The following FEM1C variants were observed in gnomAD, a reference collection of about 807,000 sequenced individuals.
FEM1C encodes the protein fem-1 homolog C.
In FEM1C, 15 loss-of-function variants were observed where a neutral mutation model predicts 37.6. The observed-to-expected ratio is 0.40, with a 90% CI of 0.27 to 0.61. The LOEUF (loss-of-function observed/expected upper bound fraction) is 0.61. FEM1C is among the 20% of genes least tolerant of loss of function. The pLI, the probability that FEM1C is intolerant of heterozygous loss-of-function variation, is 0.42. For missense variants in FEM1C, 532 were observed against 749.7 expected (o/e 0.71, Z 3.39); for synonymous variants, 287 against 272.8 (o/e 1.05, Z -0.51).
At chr5:115,542,326 G>A (rs1202113395) in intron 2 of FEM1C, among the ~76,000 whole-genome samples, 1 of 152,092 alleles carries the variant, frequency 6.6e-6, no homozygotes, top group East Asian at 1.9e-4. Context: ...CAGTATTGAA[G>A]CAGTTTTAAA....
intron 2 of FEM1C, among the ~76,000 whole-genome samples, chr5:115,531,870 C>T (rs993034318): frequency 1.3e-5 from 2 of 152,102 alleles, no homozygotes; most frequent in Non-Finnish European, 2.9e-5. Context: ...CCTGCTCTAA[C>T]CCGGAGACAT....
chr5:115,535,826 CCAT>C (rs1278552944), intron 2 of FEM1C, among the ~76,000 whole-genome samples: 1 of 151,842 alleles, frequency 6.6e-6, no homozygotes, highest in East Asian at 1.9e-4. Flanking sequence ...ACCCAAATGC[CCAT>C]CAACTGCTGA....
chr5:115,536,988 T>C (rs1206369448), intron 2 of FEM1C, among the ~76,000 whole-genome samples: 2 of 151,996 alleles, frequency 1.3e-5, no homozygotes, highest in Non-Finnish European at 2.9e-5. Flanking sequence ...CAACTAATTA[T>C]GTGTAAAAAA....
At chr5:115,531,752 T>C (rs1017551357) in intron 2 of FEM1C, among the ~76,000 whole-genome samples, 1 of 152,160 alleles carries the variant, frequency 6.6e-6, no homozygotes, top group African/African-American at 2.4e-5. Flanking sequence ...ATATTTTTCA[T>C]TTGATTTCTT....
chr5:115,530,829 C>T (rs151190954), intron 2 of FEM1C, among the ~76,000 whole-genome samples: 1 of 151,344 alleles, frequency 6.6e-6, no homozygotes, highest in East Asian at 1.9e-4. Context: ...TCATAAAAAG[C>T]ACTAAATAAT....
chr5:115,542,978 C>T lies in FEM1C; in HGVS notation c.516G>A (p.Gly172=). The change falls in exon 2 of 3, where the codon GGG becomes GGA. Residue 172 remains glycine, a synonymous_variant. Coordinates refer to ENST00000274457, the MANE Select transcript of FEM1C (RefSeq NM_020177.3). ...KEIAQYLLEK[G]ADVNRKSVKG... The stretch of plus-strand genomic sequence containing the variant: ...TGACACTTTTTCTATTAACATCTGC[C>T]CCCTTTTCAAGTAAATACTGAGCAA... 4 of 1,613,604 alleles carry T rather than the reference C, an allele frequency of 2.5e-6. No homozygotes were observed. The highest frequency in any genetic ancestry group is 3.4e-6 in the Non-Finnish European group (4 of 1,179,600).
chr5:115,540,558 G>A (rs995022650), intron 2 of FEM1C, among the ~76,000 whole-genome samples: 4 of 151,900 alleles, frequency 2.6e-5, no homozygotes, highest in African/African-American at 9.7e-5. Flanking sequence ...TCACATATAA[G>A]GCTAAAAGAT....
At chr5:115,532,096 C>G (rs1242453309) in intron 2 of FEM1C, among the ~76,000 whole-genome samples, 1 of 152,032 alleles carries the variant, frequency 6.6e-6, no homozygotes, top group Non-Finnish European at 1.5e-5. Context: ...AGAGGTTTTC[C>G]TGGTTTTATC....
At chr5:115,543,865 G>C in intron 1 of FEM1C, 182 bp from the exon 2 acceptor site, 1 of 984,152 alleles carries the variant, frequency 1.0e-6, no homozygotes, top group Non-Finnish European at 1.2e-6. Flanking sequence ...AGGATACACA[G>C]AGACCCAAAT....
chr5:115,524,220 T>C lies in FEM1C; in HGVS notation c.*88A>G, dbSNP rs1020007359. 3.4e-5 allele frequency: 35 copies of C among 1,044,596 alleles called. No homozygotes were observed. In the South Asian group the frequency reaches 4.1e-4, roughly 12 times the overall value. The allele number at this position is 1,044,596 out of a possible 1,614,324, so 64.7% of individuals were successfully genotyped here. A position where few individuals can be genotyped will look rare whatever the true frequency, so the allele number is the denominator to read the frequency against. ...GCACAATGATATCAATCAAGCTAAA[T>C]GAATGCTGGTGTTATCACAACAGTG... On this transcript the variant is annotated 3_prime_UTR_variant, in exon 3 of 3. Coordinates refer to ENST00000274457, the MANE Select transcript of FEM1C (RefSeq NM_020177.3).
chr5:115,533,482 G>A (rs1219955908), intron 2 of FEM1C, among the ~76,000 whole-genome samples: 1 of 151,968 alleles, frequency 6.6e-6, no homozygotes, highest in Non-Finnish European at 1.5e-5. Context: ...AGGGTCTTGT[G>A]ACTAGTATGT....
chr5:115,528,063 C>T (rs549845332), intron 2 of FEM1C, among the ~76,000 whole-genome samples: 21 of 146,310 alleles, frequency 1.4e-4, no homozygotes, highest in Non-Finnish European at 2.7e-4. Context: ...CTGTATTTAT[C>T]GAAAAAATAC....
At chr5:115,534,466 T>C (rs1408980579) in intron 2 of FEM1C, among the ~76,000 whole-genome samples, 1 of 151,886 alleles carries the variant, frequency 6.6e-6, no homozygotes, top group East Asian at 1.9e-4. Flanking sequence ...CCAAACGTTT[T>C]GAGTTTGATA....
In FEM1C at chr5:115,525,339, T is replaced by C; in HGVS notation, c.823A>G (p.Met275Val). 3 of 1,613,776 alleles carry C rather than the reference T, an allele frequency of 1.9e-6. No homozygotes were observed. Among genetic ancestry groups the C allele is most frequent in the Non-Finnish European group, 2.5e-6 (3 of 1,179,820 alleles). Residue 275 changes from methionine to valine, a missense_variant, in exon 3 of 3, where the codon ATG (methionine) becomes GTG (valine). By Grantham distance (21) the Met-to-Val change is conservative (BLOSUM62 1). This residue lies in a region of FEM1C where 221 missense variants were observed against 404.1 expected (regional missense o/e 0.55). Coordinates refer to ENST00000274457, the MANE Select transcript of FEM1C (RefSeq NM_020177.3). ...ATATTAGTCCTATCACTGTACCTCA[T>C]GTTCATTGCCTTTTTCCAGTATTTC... ...ALKYWKKAMNMRYSDRTNIIS... is the reference protein window; with the variant it reads ...ALKYWKKAMNVRYSDRTNIIS...
At chr5:115,536,040 G>A (rs1354702186) in intron 2 of FEM1C, among the ~76,000 whole-genome samples, 1 of 151,850 alleles carries the variant, frequency 6.6e-6, no homozygotes, top group East Asian at 1.9e-4. Context: ...AGAGATTACT[G>A]GTTGCCTAAG....
In FEM1C at chr5:115,524,713, G is replaced by A; in HGVS notation, c.1449C>T (p.Phe483=). 6.5e-7 allele frequency: 1 copy of A among 1,542,172 alleles called. No homozygotes were observed. Among genetic ancestry groups the A allele is most frequent in the Non-Finnish European group, 8.7e-7 (1 of 1,149,068 alleles). The change falls in exon 3 of 3, where the codon TTC becomes TTT. Residue 483 remains phenylalanine, a synonymous_variant. Coordinates refer to ENST00000274457, the MANE Select transcript of FEM1C (RefSeq NM_020177.3). The part of the protein sequence containing the change: ...LKLHPRGKNN[F]SPLHLAVDKN... ...TGTCCACAGCCAGATGAAGAGGGCTGAAGTTATTCTTTCCCCTTGGATGCA... is the reference window on the plus strand; with the variant it reads ...TGTCCACAGCCAGATGAAGAGGGCTAAAGTTATTCTTTCCCCTTGGATGCA...
intron 1 of FEM1C, 143 bp from the exon 2 acceptor site, chr5:115,543,826 A>G (rs1754295529): frequency 6.1e-6 from 5 of 819,960 alleles, no homozygotes; most frequent in Non-Finnish European, 7.5e-6. Context: ...CCCCACCCCC[A>G]AAGAAAAGGT....
chr5:115,525,338 A>G lies in FEM1C; in HGVS notation c.824T>C (p.Met275Thr), dbSNP rs976333369. 1 of 1,613,524 alleles carries G rather than the reference A, an allele frequency of 6.2e-7. No individual in the cohort carries two copies. The highest frequency in any genetic ancestry group is 1.3e-5 in the African/African-American group (1 of 74,862). ...ALKYWKKAMN[M>T]RYSDRTNIIS... is the part of the protein sequence containing the mutation. ...AATATTAGTCCTATCACTGTACCTC[A>G]TGTTCATTGCCTTTTTCCAGTATTT... The change falls in exon 3 of 3, where the codon ATG becomes ACG. Residue 275 changes from methionine (M) to threonine (T), a missense_variant. Physicochemically the swap from Met to Thr is moderately conservative, Grantham distance 81 (BLOSUM62 -1). Coordinates refer to ENST00000274457, the MANE Select transcript of FEM1C (RefSeq NM_020177.3).
intron 1 of FEM1C, chr5:115,544,105 G>C (rs1580387788): frequency 1.0e-6 from 1 of 985,428 alleles, no homozygotes; most frequent in East Asian, 1.1e-4. Flanking sequence ...CTGAGGCCGG[G>C]TTTCGAGAAA....
Sources: gnomAD v4.1 joint callset for allele counts (sites outside exome capture counted in the v4.1 genomes callset) on GRCh38, gnomAD v4.1.1 for gene constraint, gnomAD v4.1.1 regional missense constraint, MANE v1.5 for transcripts, NCBI Gene and HGNC (gene_info 2026-07-23, HGNC 2026-07-21) for gene names.